The following IL1RAPL1 variants were observed in gnomAD, a reference collection of about 807,000 sequenced individuals.
IL1RAPL1 encodes the protein interleukin 1 receptor accessory protein like 1.
IL1RAPL1 carries 3 observed loss-of-function variants against 48.4 expected under a neutral mutation model. The ratio of observed to expected loss-of-function variants is 0.06; its 90% CI spans 0.03 to 0.16. The LOEUF is 0.16. IL1RAPL1 is among the 10% of genes least tolerant of loss of function. The pLI is 1.00. For synonymous variants in IL1RAPL1, 185 were observed against 187.7 expected (o/e 0.99, Z 0.12); for missense variants, 349 against 530.6 (o/e 0.66, Z 3.36).
chrX:28,879,927 A>AT lies in IL1RAPL1; in HGVS notation c.82+90503dup, dbSNP rs755936296. ...CTAAGGCTGAAATCTTTACAAAAGC[A>AT]TAACTGTGGAGGAATTCACCTCCCA... On this transcript the variant is annotated intron_variant, in intron 2 of 10. Transcript: ENST00000378993. 4.7e-3 allele frequency among the ~76,000 whole-genome samples: 530 copies of AT among 111,797 alleles called. 2 individuals are homozygous for AT. Among genetic ancestry groups the AT allele is most frequent in the African/African-American group, 0.017 (510 of 30,860 alleles).
chrX:29,220,098 G>A (rs1290342587), intron 2 of IL1RAPL1, among the ~76,000 whole-genome samples: 1 of 111,704 alleles, frequency 9.0e-6, no homozygotes, highest in African/African-American at 3.3e-5. Flanking sequence ...GCGTGCTTTT[G>A]TTTCCCTAAT....
intron 1 of IL1RAPL1, among the ~76,000 whole-genome samples, chrX:28,712,233 A>G (rs1204347823): frequency 9.0e-6 from 1 of 111,327 alleles, no homozygotes; most frequent in Non-Finnish European, 1.9e-5. Context: ...CAGTTAGTAC[A>G]CTAGGCTGTC....
intron 2 of IL1RAPL1, among the ~76,000 whole-genome samples, chrX:28,916,037 C>G (rs1923482945): frequency 2.7e-5 from 3 of 110,217 alleles, no homozygotes; most frequent in Admixed American, 9.7e-5. Flanking sequence ...AACATTAAAA[C>G]TAAGTACAAT....
intron 5 of IL1RAPL1, among the ~76,000 whole-genome samples, chrX:29,546,657 T>C (rs760667824): frequency 9.0e-6 from 1 of 111,570 alleles, no homozygotes; most frequent in East Asian, 2.8e-4. Flanking sequence ...TGACCGCATG[T>C]CATCCATTGT....
At chrX:29,882,179 A>C (rs958308825) in intron 6 of IL1RAPL1, among the ~76,000 whole-genome samples, 7 of 111,831 alleles carry the variant, frequency 6.3e-5, no homozygotes, top group Non-Finnish European at 1.1e-4. Context: ...GAAGTTGAGA[A>C]ATAAAATGTT....
intron 2 of IL1RAPL1, among the ~76,000 whole-genome samples, chrX:28,836,335 T>C (rs1921205524): frequency 1.9e-5 from 1 of 53,691 alleles, no homozygotes; most frequent in African/African-American, 1.5e-4. Flanking sequence ...GCTTCCCAAT[T>C]TTATATATAT....
intron 1 of IL1RAPL1, among the ~76,000 whole-genome samples, chrX:28,635,803 G>A (rs937599954): frequency 5.4e-5 from 6 of 111,484 alleles, no homozygotes; most frequent in Non-Finnish European, 1.1e-4. Context: ...TGGCGTGTGT[G>A]TGTGTGTATG....
At chrX:29,458,561 A>T (rs906019138) in intron 5 of IL1RAPL1, among the ~76,000 whole-genome samples, 1 of 112,017 alleles carries the variant, frequency 8.9e-6, no homozygotes, top group Admixed American at 9.5e-5. Context: ...TTAGGATGAA[A>T]TATAAAATCC....
chrX:29,344,701 G>T (rs766603017), intron 3 of IL1RAPL1, among the ~76,000 whole-genome samples: 34 of 111,484 alleles, frequency 3.0e-4, no homozygotes, highest in Non-Finnish European at 5.8e-4. Flanking sequence ...GCAATGGTGC[G>T]ATCTTGGCTC....
At chrX:28,901,145 G>T (rs970093961) in intron 2 of IL1RAPL1, among the ~76,000 whole-genome samples, 5 of 111,353 alleles carry the variant, frequency 4.5e-5, no homozygotes, top group Non-Finnish European at 9.4e-5. Flanking sequence ...GCATGCAAAT[G>T]AAAGAAAAAA....
intron 2 of IL1RAPL1, among the ~76,000 whole-genome samples, chrX:29,069,669 A>ACC (rs1555959494): frequency 9.9e-5 from 10 of 101,499 alleles, no homozygotes; most frequent in Admixed American, 4.2e-4. Context: ...ACACACACAC[A>ACC]CCCCTCCCCT....
chrX:28,810,202 T>C (rs887950092), intron 2 of IL1RAPL1, among the ~76,000 whole-genome samples: 1 of 110,253 alleles, frequency 9.1e-6, no homozygotes. Context: ...GAAGGAGCCA[T>C]TGGCATGTAA....
At chrX:28,862,976 G>T (rs181046789) in intron 2 of IL1RAPL1, among the ~76,000 whole-genome samples, 2 of 110,307 alleles carry the variant, frequency 1.8e-5, no homozygotes, top group East Asian at 2.9e-4. Context: ...CCGCCTCCCC[G>T]GTTCAAGTGA....
intron 2 of IL1RAPL1, among the ~76,000 whole-genome samples, chrX:28,983,844 G>A (rs1925401940): frequency 1.8e-5 from 2 of 111,599 alleles, no homozygotes; most frequent in Admixed American, 1.9e-4. Context: ...ATGAAAGTAT[G>A]TCACAAAAAT....
chrX:29,608,682 C>G (rs376780915), intron 5 of IL1RAPL1, among the ~76,000 whole-genome samples: 1 of 100,080 alleles, frequency 1.0e-5, no homozygotes, highest in East Asian at 3.3e-4. Flanking sequence ...AAAAATTAGC[C>G]GGGCGTGGTG....
At chrX:28,965,229 G>A (rs1375718663) in intron 2 of IL1RAPL1, among the ~76,000 whole-genome samples, 1 of 111,261 alleles carries the variant, frequency 9.0e-6, no homozygotes, top group African/African-American at 3.3e-5. Context: ...AACCTTAATA[G>A]TAAGATAATT....
intron 1 of IL1RAPL1, among the ~76,000 whole-genome samples, chrX:28,713,067 T>C (rs1019923923): frequency 9.0e-6 from 1 of 110,994 alleles, no homozygotes; most frequent in African/African-American, 3.3e-5. Flanking sequence ...CTATTTTTTT[T>C]TTCTGAGACA....
intron 2 of IL1RAPL1, among the ~76,000 whole-genome samples, chrX:28,913,408 G>C (rs1474109324): frequency 8.9e-6 from 1 of 111,732 alleles, no homozygotes; most frequent in Non-Finnish European, 1.9e-5. Context: ...ATGCTTAACA[G>C]TGTGTTGCCT....
intron 1 of IL1RAPL1, among the ~76,000 whole-genome samples, chrX:28,735,191 T>C (rs1385121114): frequency 1.8e-5 from 2 of 112,072 alleles, no homozygotes; most frequent in East Asian, 2.8e-4. Flanking sequence ...ATACATTTTA[T>C]ATTAAGTTTC....
Sources: gnomAD v4.1 joint callset for allele counts (sites outside exome capture counted in the v4.1 genomes callset) on GRCh38, gnomAD v4.1.1 for gene constraint, MANE v1.5 for transcripts, NCBI Gene and HGNC (gene_info 2026-07-23, HGNC 2026-07-21) for gene names.